PPP3CA: variants seen among roughly 807,000 people sequenced by gnomAD.
PPP3CA encodes protein phosphatase 3 catalytic subunit alpha.
A neutral mutation model predicts 66.5 loss-of-function variants in PPP3CA; 14 were observed. That is an observed-to-expected ratio of 0.21 (90% CI 0.14 to 0.33). PPP3CA has a LOEUF of 0.33. Ranked by LOEUF, PPP3CA falls within the 10% of genes least tolerant of loss-of-function variation. The pLI is 1.00. For missense variants in PPP3CA, 317 were observed against 639.5 expected, an observed-to-expected ratio of 0.50 and a Z score of 5.44; for synonymous variants, 232 against 226.2, an observed-to-expected ratio of 1.03 and a Z score of -0.23.
intron 1 of PPP3CA, among the ~76,000 whole-genome samples, chr4:101,281,451 G>A (rs929515684): frequency 6.6e-6 from 1 of 152,174 alleles, no homozygotes; most frequent in South Asian, 2.1e-4. Context: ...ACGTAAGAGG[G>A]GGTGAGATCC....
chr4:101,309,537 G>C (rs1728654508), intron 1 of PPP3CA, among the ~76,000 whole-genome samples: 1 of 152,104 alleles, frequency 6.6e-6, no homozygotes, highest in Non-Finnish European at 1.5e-5. Flanking sequence ...AACTCATCTT[G>C]TTCTAGGACT....
intron 3 of PPP3CA, chr4:101,108,242 C>T (rs561947780): frequency 1.9e-4 from 29 of 152,320 alleles, no homozygotes; most frequent in African/African-American, 6.7e-4. Context: ...CAGACAGAGA[C>T]ACATGCAGTT....
chr4:101,140,831 T>C (rs1722784708), intron 2 of PPP3CA, among the ~76,000 whole-genome samples: 2 of 152,214 alleles, frequency 1.3e-5, no homozygotes. Flanking sequence ...GACACTCATT[T>C]CTTTGAGTCA....
chr4:101,279,429 T>C (rs765661242), intron 1 of PPP3CA, among the ~76,000 whole-genome samples: 4 of 152,178 alleles, frequency 2.6e-5, no homozygotes, highest in Admixed American at 1.3e-4. Flanking sequence ...CAGTAAGCAG[T>C]TGACCAACAT....
intron 3 of PPP3CA, among the ~76,000 whole-genome samples, chr4:101,106,403 A>AAGAG (rs1222275656): frequency 0.043 from 430 of 9,924 alleles, 38 homozygotes; most frequent in Non-Finnish European, 0.068. Flanking sequence ...GAAAGAAAGA[A>AAGAG]AGAAAGAAAG....
chr4:101,212,453 G>A (rs1200758402), intron 1 of PPP3CA, among the ~76,000 whole-genome samples: 5 of 152,068 alleles, frequency 3.3e-5, no homozygotes, highest in Admixed American at 2.0e-4. Flanking sequence ...CACACATCGG[G>A]GCTTGTCAAG....
At chr4:101,279,315 A>G (rs1003552846) in intron 1 of PPP3CA, among the ~76,000 whole-genome samples, 3 of 152,176 alleles carry the variant, frequency 2.0e-5, no homozygotes, top group Non-Finnish European at 4.4e-5. Context: ...AGTTTGGGGT[A>G]GCTTAATTAA....
intron 2 of PPP3CA, among the ~76,000 whole-genome samples, chr4:101,195,596 C>A (rs1053246119): frequency 1.3e-5 from 2 of 152,176 alleles, no homozygotes; most frequent in African/African-American, 4.8e-5. Context: ...TTTGTCTAAT[C>A]TTTCCCAATG....
chr4:101,124,212 A>C (rs927036637), intron 2 of PPP3CA, among the ~76,000 whole-genome samples: 3 of 152,186 alleles, frequency 2.0e-5, no homozygotes, highest in Admixed American at 2.0e-4. Flanking sequence ...TGTAAAGTGC[A>C]AGCAAGATGA....
intron 10 of PPP3CA, among the ~76,000 whole-genome samples, chr4:101,056,891 C>A (rs558910580): frequency 4.6e-5 from 7 of 151,630 alleles, no homozygotes; most frequent in African/African-American, 1.7e-4. Flanking sequence ...AACAGTATTC[C>A]CAAAGAAAAC....
At chr4:101,287,579 T>C (rs1326703292) in intron 1 of PPP3CA, among the ~76,000 whole-genome samples, 1 of 152,204 alleles carries the variant, frequency 6.6e-6, no homozygotes, top group Non-Finnish European at 1.5e-5. Flanking sequence ...GAGCAGCCTG[T>C]CTTCTGCTCC....
chr4:101,158,841 G>A (rs1723410934), intron 2 of PPP3CA, among the ~76,000 whole-genome samples: 1 of 152,176 alleles, frequency 6.6e-6, no homozygotes, highest in Admixed American at 6.5e-5. Context: ...ATTTTAATCA[G>A]CTAAAAGTTA....
chr4:101,290,350 T>C (rs1560700818), intron 1 of PPP3CA, among the ~76,000 whole-genome samples: 1 of 152,116 alleles, frequency 6.6e-6, no homozygotes, highest in Non-Finnish European at 1.5e-5. Context: ...ACAACTGAGG[T>C]GGAATTGCCA....
chr4:101,250,125 A>T (rs1726626681), intron 1 of PPP3CA, among the ~76,000 whole-genome samples: 1 of 152,162 alleles, frequency 6.6e-6, no homozygotes. Flanking sequence ...GAGTTTTTGG[A>T]ATTTGAGAGC....
At position 101,194,966 on chromosome 4, in the gene PPP3CA, C is replaced by T. The variant is rs572037950; in HGVS notation, c.259+950G>A. Among the ~76,000 whole-genome samples, 17 of 151,700 alleles carry T rather than the reference C, an allele frequency of 1.1e-4. No individual in the cohort carries two copies. The East Asian group carries it at 1.9e-3, about 17-fold the overall frequency. ...CATAAGAAATAACAAAACTAAAACA[C>T]GAAAAATAAAATAAAAAATAAAAAG... On this transcript the variant is annotated intron_variant, in intron 2 of 13. Transcript: ENST00000394854.
At chr4:101,134,852 G>A (rs1722564957) in intron 2 of PPP3CA, among the ~76,000 whole-genome samples, 1 of 152,282 alleles carries the variant, frequency 6.6e-6, no homozygotes, top group East Asian at 1.9e-4. Flanking sequence ...ATGTTAGACT[G>A]GATAAAGAAA....
intron 2 of PPP3CA, among the ~76,000 whole-genome samples, chr4:101,169,411 G>C (rs987520966): frequency 5.3e-5 from 8 of 152,162 alleles, no homozygotes; most frequent in African/African-American, 1.9e-4. Context: ...GTACTCCAGA[G>C]GGCGCTATTT....
At chr4:101,180,563 C>T (rs1724202791) in intron 2 of PPP3CA, among the ~76,000 whole-genome samples, 1 of 152,102 alleles carries the variant, frequency 6.6e-6, no homozygotes, top group Non-Finnish European at 1.5e-5. Flanking sequence ...AGTTGACCTT[C>T]CCTGATAATT....
At chr4:101,174,883 A>C (rs1402010301) in intron 2 of PPP3CA, among the ~76,000 whole-genome samples, 2 of 152,190 alleles carry the variant, frequency 1.3e-5, no homozygotes, top group African/African-American at 4.8e-5. Flanking sequence ...GTAGACACTG[A>C]AACACAGTAT....
Sources: allele counts gnomAD v4.1 joint callset (sites outside exome capture counted in the v4.1 genomes callset), GRCh38; gene constraint gnomAD v4.1.1; transcripts MANE v1.5; gene names NCBI Gene and HGNC (gene_info 2026-07-23, HGNC 2026-07-21).